EIF5B: variants seen among roughly 807,000 people sequenced by gnomAD.
The protein encoded by EIF5B is eukaryotic translation initiation factor 5B.
EIF5B carries 47 observed loss-of-function variants against 147.5 expected under a neutral mutation model. The ratio of observed to expected loss-of-function variants is 0.32; its 90% CI spans 0.25 to 0.41. The LOEUF is 0.41. EIF5B is among the 10% of genes least tolerant of loss of function. The pLI is 1.00. For synonymous variants in EIF5B, 455 were observed against 456.2 expected (o/e 1.00, Z 0.03); for missense variants, 1,064 against 1,413.2 (o/e 0.75, Z 3.96).
At chr2:99,399,245 A>G (rs907527787) in intron 23 of EIF5B, 62 bp from the exon 24 acceptor site, 5 of 1,525,612 alleles carry the variant, frequency 3.3e-6, no homozygotes, top group Non-Finnish European at 4.5e-6. Flanking sequence ...ATCTGGGGCC[A>G]CAGCTTTCTT....
At chr2:99,371,547 A>C in intron 8 of EIF5B, 109 bp from the exon 9 acceptor site, 1 of 853,444 alleles carries the variant, frequency 1.2e-6, no homozygotes. Context: ...TTTTTTACAT[A>C]ATTAAAACAT....
At chr2:99,357,822 A>T (rs978116387) in intron 1 of EIF5B, among the ~76,000 whole-genome samples, 17 of 152,136 alleles carry the variant, frequency 1.1e-4, no homozygotes, top group African/African-American at 4.1e-4. Context: ...GGTTCTTGTT[A>T]CCTGAAGAGA....
intron 17 of EIF5B, among the ~76,000 whole-genome samples, 169 bp downstream of exon 17, chr2:99,390,874 A>C (rs1286798108): frequency 6.6e-6 from 1 of 152,188 alleles, no homozygotes; most frequent in African/African-American, 2.4e-5. Context: ...TGTCTGTCAG[A>C]GTAGAGATGT....
rs12475541 is a variant in EIF5B at position 99,375,523 on chromosome 2, C to G, written c.1553-824C>G. Reference sequence around the variant, plus strand: ...TCTGCTCACTGCACCCCACTGAATTCTTAGTATTTTGGTAGGTCTGGACTC... The same window carrying G: ...TCTGCTCACTGCACCCCACTGAATTGTTAGTATTTTGGTAGGTCTGGACTC... On this transcript the variant is annotated intron_variant, in intron 9 of 23. Transcript: ENST00000289371. Among the ~76,000 whole-genome samples the G allele has an allele frequency of 1.8e-3, 281 of 152,286 alleles. 4 individuals are homozygous for G. The highest frequency in any genetic ancestry group is 0.011 in the Admixed American group (175 of 15,296).
chr2:99,363,775 G>A lies in EIF5B; in HGVS notation c.1050G>A (p.Lys350=), dbSNP rs776972763. The change falls in exon 5 of 24, where the codon AAG becomes AAA. Residue 350 remains lysine, a synonymous_variant. Coordinates refer to ENST00000289371, the MANE Select transcript of EIF5B (RefSeq NM_015904.4). The part of the protein sequence containing the change: ...TVKAMQEALA[K]LKEEEERQKR... Reference sequence around the variant, plus strand: ...AAGCTATGCAAGAAGCTCTGGCTAAGCTTAAAGAGGAAGAAGAAAGACAGA... The same window carrying A: ...AAGCTATGCAAGAAGCTCTGGCTAAACTTAAAGAGGAAGAAGAAAGACAGA... The A allele has an allele frequency of 1.2e-6, 2 of 1,614,056 alleles. No individual in the cohort carries two copies. The highest frequency in any genetic ancestry group is 1.1e-5 in the South Asian group (1 of 91,028).
intron 1 of EIF5B, among the ~76,000 whole-genome samples, chr2:99,354,681 T>A (rs1674054732): frequency 6.6e-6 from 1 of 152,184 alleles, no homozygotes. Context: ...CACTCTTGGA[T>A]AAGGACTGAG....
At chr2:99,398,636 A>G (rs943226525) in intron 22 of EIF5B, 112 bp from the exon 23 acceptor site, 52 of 1,193,544 alleles carry the variant, frequency 4.4e-5, no homozygotes, top group Non-Finnish European at 5.8e-5. Flanking sequence ...TCGCACTGCC[A>G]TGACTTTTAA....
chr2:99,353,705 C>G (rs1396366948), intron 1 of EIF5B, among the ~76,000 whole-genome samples: 1 of 152,198 alleles, frequency 6.6e-6, no homozygotes, highest in African/African-American at 2.4e-5. Context: ...CCTCACCTGT[C>G]TCTAACCTCA....
chr2:99,360,154 A>G, intron 1 of EIF5B, 82 bp from the exon 2 acceptor site: 1 of 1,470,280 alleles, frequency 6.8e-7, no homozygotes. Context: ...TGCATGAAAA[A>G]GGTTAAAATG....
intron 22 of EIF5B, chr2:99,398,082 T>C (rs1342071048): frequency 6.6e-6 from 1 of 152,196 alleles, no homozygotes; most frequent in African/African-American, 2.4e-5. Flanking sequence ...TCCAGCCTCA[T>C]CTAGTACTTT....
intron 21 of EIF5B, 125 bp from the exon 22 acceptor site, chr2:99,396,635 T>C (rs564127502): frequency 8.1e-7 from 1 of 1,241,144 alleles, no homozygotes; most frequent in East Asian, 2.4e-5. Context: ...TGCCTGCCCC[T>C]CTCCTGTGGC....
At chr2:99,337,758 G>C (rs1009313742) in intron 1 of EIF5B, among the ~76,000 whole-genome samples, 169 bp downstream of exon 1, 9 of 152,332 alleles carry the variant, frequency 5.9e-5, no homozygotes, top group African/African-American at 2.2e-4. Flanking sequence ...GGCCGGGTGG[G>C]CACGTAGGGC....
At position 99,337,409 on chromosome 2, in the gene EIF5B, C is replaced by T; in HGVS notation, c.-146C>T. 1.0e-6 allele frequency: 1 copy of T among 977,950 alleles called. No homozygotes were observed. Among genetic ancestry groups the T allele is most frequent in the South Asian group, 1.4e-5 (1 of 71,776 alleles). 60.6% of individuals were successfully genotyped at this position (977,950 alleles called of 1,614,324 possible). On this transcript the variant is annotated 5_prime_UTR_variant, in exon 1 of 24. Coordinates refer to ENST00000289371, the MANE Select transcript of EIF5B (RefSeq NM_015904.4). ...AACTCACACCATATGTGTCCTGTTC[C>T]AGTGCGCGGGTCTGTGGAGAGCCGG...
rs563901970 is a variant in EIF5B at position 99,372,287 on chromosome 2, TG to T, written c.1552+558del. Among the ~76,000 whole-genome samples the T allele has an allele frequency of 2.1e-3, 323 of 152,286 alleles. 3 individuals carry two copies. Among genetic ancestry groups the T allele is most frequent in the African/African-American group, 7.2e-3 (300 of 41,578 alleles). Reference sequence around the variant, plus strand: ...GTCAAATTCTGTAAGTCTGATATGTTGATATTTTCTCATTTTCATTTTGATG... The same window carrying T: ...GTCAAATTCTGTAAGTCTGATATGTTATATTTTCTCATTTTCATTTTGATG... On this transcript the variant is annotated intron_variant, in intron 9 of 23. Coordinates refer to ENST00000289371, the MANE Select transcript of EIF5B (RefSeq NM_015904.4).
Position 99,400,421 on chromosome 2 carries a change from T to TGAA in EIF5B, c.*1009_*1011dup, listed in dbSNP as rs1436933823. On this transcript the variant is annotated 3_prime_UTR_variant, in exon 24 of 24. Coordinates refer to ENST00000289371, the MANE Select transcript of EIF5B (RefSeq NM_015904.4). ...TCTGTAGCTAGTTTTAGGGTTTTGCTGAAGTCAGTGTGGGGTGTTTGTTTG... is the reference window on the plus strand; with the variant it reads ...TCTGTAGCTAGTTTTAGGGTTTTGCTGAAGAAGTCAGTGTGGGGTGTTTGTTTG... 1 of 152,230 alleles carries TGAA rather than the reference T, an allele frequency of 6.6e-6. No homozygotes were observed. Among genetic ancestry groups the TGAA allele is most frequent in the East Asian group, 1.9e-4 (1 of 5,196 alleles). The allele number at this position is 152,230 out of a possible 1,614,324, so 9.4% of individuals were successfully genotyped here.
chr2:99,380,410 T>G (rs1674663755), intron 12 of EIF5B, among the ~76,000 whole-genome samples: 1 of 152,198 alleles, frequency 6.6e-6, no homozygotes, highest in African/African-American at 2.4e-5. Context: ...TGTGCATTAG[T>G]CCATTTCAGT....
Position 99,389,842 on chromosome 2 carries a change from C to T in EIF5B, c.2396C>T (p.Ala799Val). ...GCAAAGGCTATTATTGTAGAATTTG[C>T]ACAGCAGGTAAGAAGGCCTTCCTTC... ...ERAKAIIVEF[A>V]QQGLNAALFY... Residue 799 changes from alanine (A) to valine (V), a missense_variant, in exon 15 of 24, where the codon GCA (alanine) becomes GTA (valine). Coordinates refer to ENST00000289371, the MANE Select transcript of EIF5B (RefSeq NM_015904.4). The T allele has an allele frequency of 1.9e-6, 3 of 1,608,812 alleles. No individual in the cohort carries two copies. The highest frequency in any genetic ancestry group is 2.5e-6 in the Non-Finnish European group (3 of 1,178,500).
chr2:99,380,096 C>G (rs1052040488), intron 12 of EIF5B, among the ~76,000 whole-genome samples: 1 of 152,176 alleles, frequency 6.6e-6, no homozygotes, highest in Admixed American at 6.5e-5. Flanking sequence ...GAAACGTTAC[C>G]TAATCTACTA....
At position 99,401,082 on chromosome 2, in the gene EIF5B, G is replaced by A. The variant is rs3792153; in HGVS notation, c.*1668G>A. Reference sequence around the variant, plus strand: ...AACACAATTATTTACATGCAATACTGACAAATTTGGCACTTTTTGAAAAGA... The same window carrying A: ...AACACAATTATTTACATGCAATACTAACAAATTTGGCACTTTTTGAAAAGA... On this transcript the variant is annotated 3_prime_UTR_variant, in exon 24 of 24. Coordinates refer to ENST00000289371, the MANE Select transcript of EIF5B (RefSeq NM_015904.4). 1,052 of 487,498 alleles carry A rather than the reference G, an allele frequency of 2.2e-3. 8 individuals carry two copies. The East Asian group carries it at 0.024, about 11-fold the overall frequency. The allele number at this position is 487,498 out of a possible 1,614,324, so 30.2% of individuals were successfully genotyped here.
Sources: gnomAD v4.1 joint callset for allele counts (sites outside exome capture counted in the v4.1 genomes callset) on GRCh38, gnomAD v4.1.1 for gene constraint, MANE v1.5 for transcripts, NCBI Gene and HGNC (gene_info 2026-07-23, HGNC 2026-07-21) for gene names.